CRIM1: variants seen among roughly 807,000 people sequenced by gnomAD.
CRIM1 encodes cysteine rich transmembrane BMP regulator 1, also known as cysteine-rich motor neuron 1 protein.
Under a neutral mutation model 116.4 loss-of-function variants are expected in CRIM1, and 32 were observed. The ratio of observed to expected loss-of-function variants is 0.27; its 90% CI spans 0.21 to 0.37. The LOEUF (loss-of-function observed/expected upper bound fraction) is 0.37. Ranked by LOEUF, CRIM1 falls within the 10% of genes least tolerant of loss-of-function variation. The pLI is 1.00. For synonymous variants in CRIM1, 590 were observed against 509.2 expected, an observed-to-expected ratio of 1.16 and a Z score of -2.13; for missense variants, 1,331 against 1,354.8, an observed-to-expected ratio of 0.98 and a Z score of 0.28.
At chr2:36,443,456 G>T (rs992369709) in intron 4 of CRIM1, among the ~76,000 whole-genome samples, 1 of 152,090 alleles carries the variant, frequency 6.6e-6, no homozygotes, top group Non-Finnish European at 1.5e-5. Context: ...GTTTTCCCCC[G>T]ACTACTCACC....
At chr2:36,429,387 A>G (rs1674699513) in intron 2 of CRIM1, among the ~76,000 whole-genome samples, 1 of 152,162 alleles carries the variant, frequency 6.6e-6, no homozygotes, top group Non-Finnish European at 1.5e-5. Flanking sequence ...GGAAGCCTCA[A>G]CAGTTTGCCT....
Position 36,356,977 on chromosome 2 carries a change from C to T in CRIM1, c.331+354C>T, listed in dbSNP as rs1226981196. The stretch of plus-strand genomic sequence containing the variant: ...CCGCGGGCGGGGGGCACTGCAGATT[C>T]TGCCGCGCGCGAGCCCCTCGGGGAG... On this transcript the variant is annotated intron_variant, in intron 1 of 16. Transcript: ENST00000280527. This position sits in a 1 kb window ranked among gnomAD's most constrained non-coding sequence, Gnocchi z 4.3. 6.6e-6 allele frequency among the ~76,000 whole-genome samples: 1 copy of T among 152,210 alleles called. No homozygotes were observed. Among genetic ancestry groups the T allele is most frequent in the Non-Finnish European group, 1.5e-5 (1 of 68,032 alleles).
intron 2 of CRIM1, among the ~76,000 whole-genome samples, chr2:36,414,460 T>C (rs1673448156): frequency 6.6e-6 from 1 of 152,226 alleles, no homozygotes; most frequent in Admixed American, 6.5e-5. Context: ...GTTCAGACAC[T>C]GTGCTAGATT....
intron 8 of CRIM1, among the ~76,000 whole-genome samples, chr2:36,501,840 C>T (rs754190820): frequency 1.3e-4 from 20 of 152,130 alleles, no homozygotes; most frequent in Non-Finnish European, 7.4e-5. Context: ...TGATTCTGTT[C>T]GGGGAAGGGT....
At chr2:36,364,692 C>A (rs970401161) in intron 1 of CRIM1, among the ~76,000 whole-genome samples, 2 of 152,022 alleles carry the variant, frequency 1.3e-5, no homozygotes, top group African/African-American at 4.8e-5. Context: ...TTTTTTTAAT[C>A]GTGAGATCAG....
intron 2 of CRIM1, among the ~76,000 whole-genome samples, chr2:36,403,202 G>A (rs1672545194): frequency 1.3e-5 from 2 of 152,210 alleles, no homozygotes; most frequent in Non-Finnish European, 2.9e-5. Flanking sequence ...TGTAGAATAT[G>A]TGGAACCTAG....
chr2:36,533,266 G>A (rs1166812014), intron 13 of CRIM1, among the ~76,000 whole-genome samples: 3 of 152,038 alleles, frequency 2.0e-5, no homozygotes, highest in East Asian at 3.9e-4. Flanking sequence ...ATGTGTCATT[G>A]AAGGAGACAG....
chr2:36,465,947 G>C (rs990771871), intron 5 of CRIM1, among the ~76,000 whole-genome samples: 1 of 151,066 alleles, frequency 6.6e-6, no homozygotes, highest in Non-Finnish European at 1.5e-5. Flanking sequence ...GTGCAGTGGC[G>C]CAATCTCGGC....
At chr2:36,493,740 G>A (rs934215559) in intron 7 of CRIM1, among the ~76,000 whole-genome samples, 6 of 152,146 alleles carry the variant, frequency 3.9e-5, no homozygotes, top group Non-Finnish European at 7.4e-5. Flanking sequence ...AAAACCAGCA[G>A]TTCAGTGGAG....
intron 10 of CRIM1, 24 bp downstream of exon 10, chr2:36,512,418 C>A: frequency 6.3e-7 from 1 of 1,580,896 alleles, no homozygotes. Context: ...CATGGCCCTT[C>A]CCCCTCAAAG....
intron 15 of CRIM1, 124 bp downstream of exon 15, chr2:36,544,622 A>G (rs959858346): frequency 3.5e-5 from 36 of 1,031,704 alleles, no homozygotes; most frequent in Non-Finnish European, 4.3e-5. Context: ...TCAAATAACT[A>G]TTCCCGGGCA....
intron 2 of CRIM1, among the ~76,000 whole-genome samples, chr2:36,421,020 C>T (rs1481048019): frequency 6.6e-6 from 1 of 152,198 alleles, no homozygotes; most frequent in African/African-American, 2.4e-5. Flanking sequence ...TCTACGTGAT[C>T]AGCTTAGAGG....
At chr2:36,366,066 C>T (rs1669584399) in intron 1 of CRIM1, among the ~76,000 whole-genome samples, 2 of 152,288 alleles carry the variant, frequency 1.3e-5, no homozygotes, top group South Asian at 2.1e-4. Context: ...TCCTTTGTAC[C>T]TGAAAATAAG....
intron 1 of CRIM1, among the ~76,000 whole-genome samples, chr2:36,391,794 G>T (rs1313949773): frequency 8.2e-6 from 1 of 121,808 alleles, no homozygotes; most frequent in African/African-American, 3.0e-5. Flanking sequence ...TGCACTAATG[G>T]TGCAAAAAAA....
intron 1 of CRIM1, among the ~76,000 whole-genome samples, chr2:36,359,182 G>C (rs1388604152): frequency 1.3e-5 from 2 of 152,110 alleles, no homozygotes; most frequent in African/African-American, 4.8e-5. Context: ...TCATGTTGAA[G>C]TCTCTTTTGC....
chr2:36,378,160 T>C (rs1670460474), intron 1 of CRIM1, among the ~76,000 whole-genome samples: 1 of 152,250 alleles, frequency 6.6e-6, no homozygotes, highest in South Asian at 2.1e-4. Context: ...ATAGATGCTC[T>C]GTAATTGAAT....
At chr2:36,357,231 G>A (rs1245171039) in intron 1 of CRIM1, among the ~76,000 whole-genome samples, 1 of 152,118 alleles carries the variant, frequency 6.6e-6, no homozygotes. Context: ...ACACACGGTG[G>A]TTACTCATTT....
chr2:36,536,323 G>C (rs781253148), intron 13 of CRIM1, among the ~76,000 whole-genome samples: 15 of 150,906 alleles, frequency 9.9e-5, no homozygotes, highest in Non-Finnish European at 1.6e-4. Context: ...CTGGGCCCTG[G>C]GGACGACTGC....
rs1330444180 is a variant in CRIM1 at position 36,548,525 on chromosome 2, C to T, written c.2935C>T (p.Pro979Ser). The T allele has an allele frequency of 1.3e-6, 2 of 1,559,210 alleles. No individual in the cohort carries two copies. The highest frequency in any genetic ancestry group is 2.3e-5 in the East Asian group (1 of 44,200). ...TTTTATTCCTCCTCTCATTAAATAG[C>T]CTTCTTCCTTAAATAATCAGCTAGT... is the stretch of plus-strand genomic sequence containing the variant. ...LLCWYRTPTK[P>S]SSLNNQLVSV... is the part of the protein sequence containing the mutation. The change falls in exon 17 of 17, where the codon CCT becomes TCT. Residue 979 changes from proline to serine, a missense_variant and splice_region_variant. Pro to Ser is a moderately conservative substitution (Grantham distance 74, BLOSUM62 -1). Transcript: ENST00000280527.
Sources: allele counts gnomAD v4.1 joint callset (sites outside exome capture counted in the v4.1 genomes callset), GRCh38; gene constraint gnomAD v4.1.1; non-coding constraint Gnocchi (gnomAD v3.1); transcripts MANE v1.5; gene names NCBI Gene and HGNC (gene_info 2026-07-23, HGNC 2026-07-21).